Variants in XKR4 observed in about 807,000 individuals in gnomAD.
The protein encoded by XKR4 is XK related 4, also known as XK-related protein 4.
A neutral mutation model predicts 53.9 loss-of-function variants in XKR4; 12 were observed. The observed-to-expected ratio is 0.22, with a 90% CI of 0.14 to 0.36. The LOEUF is 0.36. XKR4 is among the 10% of genes least tolerant of loss of function. XKR4 has a pLI of 1.00. For missense variants in XKR4, 799 were observed against 859.5 expected (o/e 0.93, Z 0.88); for synonymous variants, 354 against 362.4 (o/e 0.98, Z 0.26).
At chr8:55,429,990 A>G (rs765371550) in intron 2 of XKR4, among the ~76,000 whole-genome samples, 1 of 152,222 alleles carries the variant, frequency 6.6e-6, no homozygotes, top group Non-Finnish European at 1.5e-5. Flanking sequence ...ATATGAAGAG[A>G]CATTTCACCA....
At chr8:55,269,365 CT>C (rs375174259) in intron 1 of XKR4, among the ~76,000 whole-genome samples, 2,198 of 151,094 alleles carry the variant, frequency 0.015, 50 homozygotes, top group Admixed American at 0.043. Context: ...AGAAACAATA[CT>C]TTTTTTTTGT....
At chr8:55,182,104 C>T (rs977947254) in intron 1 of XKR4, among the ~76,000 whole-genome samples, 4 of 151,622 alleles carry the variant, frequency 2.6e-5, no homozygotes, top group Admixed American at 6.6e-5. Flanking sequence ...TCAAATTTTT[C>T]GTTTTCTTAT....
chr8:55,262,788 T>C (rs1400583363), intron 1 of XKR4, among the ~76,000 whole-genome samples: 1 of 152,182 alleles, frequency 6.6e-6, no homozygotes, highest in Admixed American at 6.5e-5. Flanking sequence ...AGATGCCCAC[T>C]CTTAGATTTC....
chr8:55,452,378 G>C, intron 2 of XKR4: 1 of 628,670 alleles, frequency 1.6e-6, no homozygotes, highest in Admixed American at 2.4e-5. Context: ...CCGTGAAGAT[G>C]ACCCGGTACG....
At chr8:55,129,620 A>G (rs1259785241) in intron 1 of XKR4, among the ~76,000 whole-genome samples, 2 of 152,184 alleles carry the variant, frequency 1.3e-5, no homozygotes, top group African/African-American at 4.8e-5. Context: ...GGGGTGAGAA[A>G]GTTGACCCTG....
At chr8:55,203,541 G>T (rs1165158728) in intron 1 of XKR4, among the ~76,000 whole-genome samples, 1 of 152,200 alleles carries the variant, frequency 6.6e-6, no homozygotes, top group Non-Finnish European at 1.5e-5. Flanking sequence ...GGTAGCCTGT[G>T]TGTACGATAA....
intron 1 of XKR4, among the ~76,000 whole-genome samples, chr8:55,106,450 T>C (rs1816148224): frequency 1.3e-5 from 2 of 152,170 alleles, no homozygotes; most frequent in Non-Finnish European, 1.5e-5. Flanking sequence ...TTTGCTACCA[T>C]GTGAAAAGAG....
intron 1 of XKR4, among the ~76,000 whole-genome samples, chr8:55,201,660 G>C (rs771611251): frequency 6.6e-6 from 1 of 152,186 alleles, no homozygotes; most frequent in Non-Finnish European, 1.5e-5. Context: ...GTAACCATAA[G>C]CTATAAGAAC....
At chr8:55,254,256 A>C (rs953029488) in intron 1 of XKR4, among the ~76,000 whole-genome samples, 2 of 152,080 alleles carry the variant, frequency 1.3e-5, no homozygotes, top group African/African-American at 2.4e-5. Flanking sequence ...ATTCCAAATA[A>C]GAAAAATGAT....
intron 1 of XKR4, among the ~76,000 whole-genome samples, chr8:55,351,080 G>A (rs573588111): frequency 6.6e-6 from 1 of 152,096 alleles, no homozygotes; most frequent in Non-Finnish European, 1.5e-5. Flanking sequence ...TTCTGAAGAT[G>A]GGTGGTGGTG....
At chr8:55,435,821 G>A (rs1805169205) in intron 2 of XKR4, among the ~76,000 whole-genome samples, 1 of 151,996 alleles carries the variant, frequency 6.6e-6, no homozygotes, top group South Asian at 2.1e-4. Flanking sequence ...TCCTTCCTGG[G>A]CTTCTCAAGG....
chr8:55,379,227 A>G (rs973516822), intron 2 of XKR4, among the ~76,000 whole-genome samples: 1 of 152,302 alleles, frequency 6.6e-6, no homozygotes, highest in Non-Finnish European at 1.5e-5. Flanking sequence ...TGAATGCAAA[A>G]TATCAACATA....
At chr8:55,107,279 A>G (rs936789604) in intron 1 of XKR4, among the ~76,000 whole-genome samples, 1 of 152,156 alleles carries the variant, frequency 6.6e-6, no homozygotes, top group Non-Finnish European at 1.5e-5. Flanking sequence ...GGGTCACCCA[A>G]CTATTATGTA....
At chr8:55,237,291 A>C (rs1405073748) in intron 1 of XKR4, among the ~76,000 whole-genome samples, 1 of 152,232 alleles carries the variant, frequency 6.6e-6, no homozygotes, top group Admixed American at 6.5e-5. Context: ...TTGCCTCCCC[A>C]AAAACTTAAA....
At chr8:55,245,979 G>A (rs1818280255) in intron 1 of XKR4, among the ~76,000 whole-genome samples, 1 of 152,182 alleles carries the variant, frequency 6.6e-6, no homozygotes, top group Non-Finnish European at 1.5e-5. Context: ...GCGCATGCCT[G>A]TAATCCCAGC....
intron 1 of XKR4, chr8:55,164,525 T>C (rs1563472609): frequency 9.1e-6 from 4 of 441,272 alleles, no homozygotes; most frequent in Non-Finnish European, 1.8e-5. Flanking sequence ...ACTCAGAAAA[T>C]GTTTAGGAAC....
intron 2 of XKR4, among the ~76,000 whole-genome samples, chr8:55,509,338 C>T (rs1020693000): frequency 1.9e-4 from 29 of 152,212 alleles, no homozygotes; most frequent in Non-Finnish European, 1.5e-4. Context: ...AGGAATGCTT[C>T]TTAAACTGAA....
chr8:55,443,758 T>C (rs575919810), intron 2 of XKR4, among the ~76,000 whole-genome samples: 28 of 147,440 alleles, frequency 1.9e-4, no homozygotes, highest in African/African-American at 6.8e-4. Flanking sequence ...AGGGAATCAC[T>C]TGAATCCAGG....
rs1447332668 is a variant in XKR4 at position 55,525,520 on chromosome 8, T to C, written c.*1293T>C. ...GGCTTATCACTATATCCAGCTAAGA[T>C]TTGTATTTGAATCATCTGTAAAGTC... On this transcript the variant is annotated 3_prime_UTR_variant, in exon 3 of 3. Coordinates refer to ENST00000327381, the MANE Select transcript of XKR4 (RefSeq NM_052898.2). The C allele has an allele frequency of 2.6e-5, 4 of 152,686 alleles. No individual in the cohort carries two copies. The highest frequency in any genetic ancestry group is 6.5e-5 in the Admixed American group (1 of 15,302). The allele number at this position is 152,686 out of a possible 1,614,324, so 9.5% of individuals were successfully genotyped here.
Sources: allele counts gnomAD v4.1 joint callset (sites outside exome capture counted in the v4.1 genomes callset), GRCh38; gene constraint gnomAD v4.1.1; transcripts MANE v1.5; gene names NCBI Gene and HGNC (gene_info 2026-07-23, HGNC 2026-07-21).